Variants in RALGPS1 observed in about 807,000 individuals in gnomAD.
The protein encoded by RALGPS1 is ras-specific guanine nucleotide-releasing factor RalGPS1.
RALGPS1 carries 19 observed loss-of-function variants against 78.8 expected under a neutral mutation model. The observed-to-expected ratio is 0.24, with a 90% CI of 0.17 to 0.35. The LOEUF (loss-of-function observed/expected upper bound fraction) is 0.35. Among genes scored for constraint, RALGPS1 ranks in the 10% least tolerant of loss-of-function variants. RALGPS1 has a pLI of 1.00. For synonymous variants in RALGPS1, 228 were observed against 256.3 expected, an observed-to-expected ratio of 0.89 and a Z score of 1.06; for missense variants, 454 against 688.3, an observed-to-expected ratio of 0.66 and a Z score of 3.81.
At chr9:126,961,575 G>A (rs568849865) in intron 1 of RALGPS1, among the ~76,000 whole-genome samples, 4 of 152,278 alleles carry the variant, frequency 2.6e-5, no homozygotes, top group African/African-American at 4.8e-5. Flanking sequence ...AGGCCCAGGT[G>A]GGAGGATTGC....
intron 7 of RALGPS1, among the ~76,000 whole-genome samples, chr9:127,062,000 G>A (rs1286739410): frequency 6.6e-6 from 1 of 152,164 alleles, no homozygotes; most frequent in Non-Finnish European, 1.5e-5. Context: ...AAATAAATGA[G>A]AAAATTATCC....
In RALGPS1 at chr9:126,977,741, C is replaced by T. The variant is rs375139774; in HGVS notation, c.212C>T (p.Pro71Leu). 3.1e-5 allele frequency: 50 copies of T among 1,600,186 alleles called. No individual in the cohort carries two copies. Among genetic ancestry groups the T allele is most frequent in the African/African-American group, 2.0e-4 (15 of 74,434 alleles). ...ATACCTGTGTTTAAAGCTATCCAGC[C>T]GGAGGTCTGTACTTTGTCTTTCTAC... ...MDIPVFKAIQ[P>L]EELASCGWSK... is the part of the protein sequence containing the mutation. Residue 71 changes from proline to leucine, a missense_variant, in exon 4 of 19, where the codon CCG becomes CTG. Coordinates refer to ENST00000259351, the MANE Select transcript of RALGPS1 (RefSeq NM_014636.3).
intron 5 of RALGPS1, among the ~76,000 whole-genome samples, chr9:127,049,365 A>G (rs1478493079): frequency 2.0e-5 from 3 of 152,198 alleles, no homozygotes; most frequent in Admixed American, 2.0e-4. Flanking sequence ...CTGTTGCAGT[A>G]TGTGAGAGGT....
chr9:127,069,477 A>C, intron 8 of RALGPS1, 121 bp downstream of exon 8: 1 of 1,165,532 alleles, frequency 8.6e-7, no homozygotes, highest in East Asian at 2.4e-5. Context: ...TAAAGAGGCA[A>C]TTGGTTGGCT....
intron 1 of RALGPS1, among the ~76,000 whole-genome samples, chr9:126,918,539 T>A (rs1349162862): frequency 2.6e-5 from 4 of 151,904 alleles, no homozygotes; most frequent in South Asian, 2.1e-4. Flanking sequence ...CCCAGGCTGG[T>A]CTCGAACTCC....
chr9:126,987,964 A>G (rs1243283921), intron 4 of RALGPS1, among the ~76,000 whole-genome samples: 1 of 152,204 alleles, frequency 6.6e-6, no homozygotes, highest in Admixed American at 6.6e-5. Context: ...TGTTTGAATA[A>G]GGAAGCCAGG....
chr9:126,946,503 C>T (rs1347066497), intron 1 of RALGPS1, among the ~76,000 whole-genome samples: 1 of 139,250 alleles, frequency 7.2e-6, no homozygotes, highest in Non-Finnish European at 1.5e-5. Context: ...CACTGCACTC[C>T]AGCCTGGGTG....
At chr9:127,012,588 G>A (rs2044449509) in intron 4 of RALGPS1, among the ~76,000 whole-genome samples, 1 of 152,232 alleles carries the variant, frequency 6.6e-6, no homozygotes, top group Non-Finnish European at 1.5e-5. Context: ...CGACGTGGAG[G>A]TAGTCAGGAC....
At chr9:127,129,684 C>A (rs1006726514) in intron 8 of RALGPS1, among the ~76,000 whole-genome samples, 20 of 152,194 alleles carry the variant, frequency 1.3e-4, no homozygotes, top group African/African-American at 4.8e-5. Flanking sequence ...ACCTTTCTGA[C>A]TAGTAGGTCT....
At position 127,018,212 on chromosome 9, in the gene RALGPS1, CAAACA is replaced by C. The variant is rs376104224; in HGVS notation, c.217-16199_217-16195del. ...CCTGAGTGACAGCAAGACTCCGTCTCAAACAAAACAAAACAAAACAAAACCCAAAC... is the reference window on the plus strand; with the variant it reads ...CCTGAGTGACAGCAAGACTCCGTCTCAAACAAAACAAAACAAAACCCAAAC... On this transcript the variant is annotated intron_variant, in intron 4 of 18. Transcript: ENST00000259351. 4.7e-3 allele frequency among the ~76,000 whole-genome samples: 714 copies of C among 151,328 alleles called. 1 individual carries two copies. The highest frequency in any genetic ancestry group is 0.017 in the South Asian group (81 of 4,784).
chr9:127,204,318 C>T (rs2061814502), intron 14 of RALGPS1, among the ~76,000 whole-genome samples: 2 of 152,180 alleles, frequency 1.3e-5, no homozygotes, highest in Admixed American at 6.5e-5. Flanking sequence ...GTACACGCCA[C>T]CATACCTGGC....
intron 8 of RALGPS1, among the ~76,000 whole-genome samples, chr9:127,140,821 T>G (rs1282266136): frequency 6.6e-6 from 1 of 152,130 alleles, no homozygotes; most frequent in African/African-American, 2.4e-5. Flanking sequence ...GGAAGAGACT[T>G]GGGCGAGGGT....
At chr9:127,036,962 T>C (rs1189562563) in intron 5 of RALGPS1, among the ~76,000 whole-genome samples, 3 of 152,226 alleles carry the variant, frequency 2.0e-5, no homozygotes, top group Non-Finnish European at 4.4e-5. Context: ...AGAAGCTGTG[T>C]CTCAGGGAAT....
At chr9:126,943,254 T>C (rs2036949632) in intron 1 of RALGPS1, among the ~76,000 whole-genome samples, 1 of 152,204 alleles carries the variant, frequency 6.6e-6, no homozygotes, top group African/African-American at 2.4e-5. Flanking sequence ...GCGATTCTTC[T>C]GCCTCAGCCT....
intron 1 of RALGPS1, among the ~76,000 whole-genome samples, chr9:126,948,965 C>G (rs554736877): frequency 5.3e-5 from 8 of 152,006 alleles, no homozygotes; most frequent in South Asian, 2.1e-4. Context: ...ATCCCTCCCC[C>G]CTACCCCCAC....
chr9:127,167,533 T>A (rs529097504), intron 9 of RALGPS1, among the ~76,000 whole-genome samples: 80 of 152,332 alleles, frequency 5.3e-4, no homozygotes, highest in African/African-American at 1.7e-3. Flanking sequence ...ATAGGATTCA[T>A]GCAGAGCCCT....
chr9:127,059,135 A>G (rs992466094), intron 7 of RALGPS1, among the ~76,000 whole-genome samples: 1 of 152,220 alleles, frequency 6.6e-6, no homozygotes, highest in African/African-American at 2.4e-5. Context: ...TATGACATTC[A>G]GATACTTTGG....
At chr9:127,057,887 GAT>G (rs2048876579) in intron 7 of RALGPS1, among the ~76,000 whole-genome samples, 1 of 152,226 alleles carries the variant, frequency 6.6e-6, no homozygotes, top group African/African-American at 2.4e-5. Context: ...TACATGAAGT[GAT>G]CAGCAAAGAG....
At chr9:127,028,360 C>T (rs1452477713) in intron 4 of RALGPS1, among the ~76,000 whole-genome samples, 1 of 152,262 alleles carries the variant, frequency 6.6e-6, no homozygotes, top group Non-Finnish European at 1.5e-5. Context: ...GACAAATTAC[C>T]TGCTTGTTAC....
Sources: gnomAD v4.1 joint callset for allele counts (sites outside exome capture counted in the v4.1 genomes callset) on GRCh38, gnomAD v4.1.1 for gene constraint, MANE v1.5 for transcripts, NCBI Gene and HGNC (gene_info 2026-07-23, HGNC 2026-07-21) for gene names.